The following PTPN12 variants were observed in gnomAD, a reference collection of about 807,000 sequenced individuals.
The protein encoded by PTPN12 is protein tyrosine phosphatase non-receptor type 12.
PTPN12 carries 29 observed loss-of-function variants against 97.6 expected under a neutral mutation model. The ratio of observed to expected loss-of-function variants is 0.30; its 90% CI spans 0.22 to 0.41. The LOEUF (loss-of-function observed/expected upper bound fraction) is 0.41, where lower values mean the gene tolerates loss of function less well. PTPN12 is among the 10% of genes least tolerant of loss of function. PTPN12 has a pLI of 1.00. For missense variants in PTPN12, 819 were observed against 926.0 expected, an observed-to-expected ratio of 0.88 and a Z score of 1.50; for synonymous variants, 327 against 300.4, an observed-to-expected ratio of 1.09 and a Z score of -0.91.
intron 6 of PTPN12, among the ~76,000 whole-genome samples, chr7:77,596,851 C>T (rs1037160833): frequency 6.6e-6 from 1 of 152,190 alleles, no homozygotes; most frequent in African/African-American, 2.4e-5. Flanking sequence ...CTCTTTGTTA[C>T]AATTCACAAA....
chr7:77,537,519 G>C lies in PTPN12; in HGVS notation c.-28G>C. On this transcript the variant is annotated 5_prime_UTR_variant, in exon 1 of 18. Transcript: ENST00000248594. ...GGGCGGGCGGGCGGCGGGGGGGCCA[G>C]CGACCGCAGCCGGGGGGACGCGGGA... is the stretch of plus-strand genomic sequence containing the variant. 2 of 1,567,740 alleles carry C rather than the reference G, an allele frequency of 1.3e-6. No homozygotes were observed. The highest frequency in any genetic ancestry group is 1.7e-6 in the Non-Finnish European group (2 of 1,158,910).
chr7:77,541,256 T>G (rs1259836420), intron 1 of PTPN12, among the ~76,000 whole-genome samples: 1 of 152,096 alleles, frequency 6.6e-6, no homozygotes, highest in Non-Finnish European at 1.5e-5. Flanking sequence ...CAAGCCCTGC[T>G]GATTTTTGTA....
At chr7:77,544,713 G>T (rs1383723868) in intron 1 of PTPN12, among the ~76,000 whole-genome samples, 1 of 152,196 alleles carries the variant, frequency 6.6e-6, no homozygotes, top group African/African-American at 2.4e-5. Flanking sequence ...GTCTTCCCCA[G>T]ACTGAACGCC....
chr7:77,583,893 T>TA (rs1451038978), intron 4 of PTPN12: 2 of 335,458 alleles, frequency 6.0e-6, no homozygotes, highest in East Asian at 1.3e-4. Flanking sequence ...TAAGTAATGA[T>TA]ACAGCTATCA....
rs369371516 is a variant in PTPN12 at position 77,591,396 on chromosome 7, A to G, written c.421-789A>G. Among the ~76,000 whole-genome samples, 9 of 152,338 alleles carry G rather than the reference A, an allele frequency of 5.9e-5. No individual in the cohort carries two copies. The East Asian group carries it at 1.3e-3, about 23-fold the overall frequency. On this transcript the variant is annotated intron_variant, in intron 5 of 17. Coordinates refer to ENST00000248594, the MANE Select transcript of PTPN12 (RefSeq NM_002835.4). ...ACCTGAATCATTCTATTTTCCATAA[A>G]GTTAGGCTTTTCATTCACTTAACTG...
intron 1 of PTPN12, among the ~76,000 whole-genome samples, chr7:77,544,168 G>C (rs940510213): frequency 1.3e-5 from 2 of 152,144 alleles, no homozygotes; most frequent in African/African-American, 4.8e-5. Context: ...CATCTTCACC[G>C]ATACTTGTTG....
chr7:77,619,721 A>T (rs566245852), intron 12 of PTPN12, among the ~76,000 whole-genome samples: 3 of 152,204 alleles, frequency 2.0e-5, no homozygotes, highest in Non-Finnish European at 4.4e-5. Context: ...AAAATTAGTG[A>T]TAATGTATAT....
At chr7:77,564,784 A>C in intron 1 of PTPN12, among the ~76,000 whole-genome samples, 2 of 37,084 alleles carry the variant, frequency 5.4e-5, no homozygotes, top group Non-Finnish European at 8.8e-5. Context: ...TTTGAGACGG[A>C]ATCTCGCCCT....
intron 4 of PTPN12, 60 bp from the exon 5 acceptor site, chr7:77,585,483 A>C: frequency 6.9e-7 from 1 of 1,447,618 alleles, no homozygotes; most frequent in Non-Finnish European, 9.6e-7. Flanking sequence ...ATTTTATTAA[A>C]AAGTAAAATT....
At position 77,639,435 on chromosome 7, in the gene PTPN12, T is replaced by C; in HGVS notation, c.*155T>C. Reference sequence around the variant, plus strand: ...CTGGGACCATCTACCTGCCTTATACTACACTTAGGAAAAAGTATTACATAT... The same window carrying C: ...CTGGGACCATCTACCTGCCTTATACCACACTTAGGAAAAAGTATTACATAT... On this transcript the variant is annotated 3_prime_UTR_variant, in exon 18 of 18. Coordinates refer to ENST00000248594, the MANE Select transcript of PTPN12 (RefSeq NM_002835.4). The C allele has an allele frequency of 1.8e-6, 1 of 567,926 alleles. No homozygotes were observed. The highest frequency in any genetic ancestry group is 3.1e-6 in the Non-Finnish European group (1 of 325,166). 35.2% of individuals were successfully genotyped at this position (567,926 alleles called of 1,614,324 possible).
intron 12 of PTPN12, among the ~76,000 whole-genome samples, chr7:77,625,468 G>GCGCGCTCTCTCTCT (rs1218191468): frequency 4.0e-5 from 1 of 24,752 alleles, no homozygotes; most frequent in Admixed American, 6.2e-4. Flanking sequence ...TGCCCAGGCT[G>GCGCGCTCTCTCTCT]CTCGCTCTCT....
intron 1 of PTPN12, among the ~76,000 whole-genome samples, chr7:77,539,205 A>C (rs1198000631): frequency 6.6e-6 from 1 of 152,202 alleles, no homozygotes; most frequent in East Asian, 1.9e-4. Flanking sequence ...CCTTGACCAT[A>C]CACAGTATTA....
At chr7:77,540,369 C>G (rs1288170912) in intron 1 of PTPN12, among the ~76,000 whole-genome samples, 1 of 151,812 alleles carries the variant, frequency 6.6e-6, no homozygotes, top group African/African-American at 2.4e-5. Context: ...TCCTGAGTAG[C>G]TGAGATTACA....
chr7:77,568,651 T>A (rs977544082), intron 1 of PTPN12, among the ~76,000 whole-genome samples: 2 of 152,046 alleles, frequency 1.3e-5, no homozygotes, highest in African/African-American at 4.8e-5. Context: ...TGTGAATGAG[T>A]GAATGAATGA....
At position 77,582,084 on chromosome 7, in the gene PTPN12, C is replaced by CTTTTTTTTTTTTTTTTTT. The variant is rs11341609; in HGVS notation, c.285+592_285+609dup. On this transcript the variant is annotated intron_variant, in intron 3 of 17. Transcript: ENST00000248594. ...CCCTTTGATGAAAAGCAGTCAAGTT[C>CTTTTTTTTTTTTTTTTTT]TTTTTTTTTTTTTTTTTTTTTTTTT... Among the ~76,000 whole-genome samples, 35 of 52,868 alleles carry CTTTTTTTTTTTTTTTTTT rather than the reference C, an allele frequency of 6.6e-4. 5 individuals carry two copies. The highest frequency in any genetic ancestry group is 0.016 in the Middle Eastern group (1 of 62). The allele number at this position is 52,868 out of a possible 152,430, so 34.7% of individuals were successfully genotyped here.
intron 1 of PTPN12, chr7:77,564,175 A>G (rs968318073): frequency 5.5e-6 from 1 of 180,396 alleles, no homozygotes; most frequent in African/African-American, 2.4e-5. Flanking sequence ...CACCGTGCCC[A>G]GCCCATATAC....
At chr7:77,543,012 T>G (rs1212128208) in intron 1 of PTPN12, among the ~76,000 whole-genome samples, 1 of 151,888 alleles carries the variant, frequency 6.6e-6, no homozygotes, top group Non-Finnish European at 1.5e-5. Context: ...AAGGATATAC[T>G]AGTGATTGTT....
Position 77,639,328 on chromosome 7 carries a change from C to G in PTPN12, c.*48C>G. Reference sequence around the variant, plus strand: ...TAAGTTATACTGGAAAATTCAGGTGCCACTGAAAGCCAGATTTATAGTATT... The same window carrying G: ...TAAGTTATACTGGAAAATTCAGGTGGCACTGAAAGCCAGATTTATAGTATT... On this transcript the variant is annotated 3_prime_UTR_variant, in exon 18 of 18. Transcript: ENST00000248594. 1.4e-6 allele frequency: 2 copies of G among 1,416,494 alleles called. No homozygotes were observed. Among genetic ancestry groups the G allele is most frequent in the Non-Finnish European group, 2.0e-6 (2 of 1,007,568 alleles). 87.7% of individuals were successfully genotyped at this position (1,416,494 alleles called of 1,614,324 possible). A position where few individuals can be genotyped will look rare whatever the true frequency, so the allele number is the denominator to read the frequency against.
chr7:77,583,776 T>G, intron 4 of PTPN12, 126 bp downstream of exon 4: 1 of 575,708 alleles, frequency 1.7e-6, no homozygotes, highest in Non-Finnish European at 2.8e-6. Flanking sequence ...TTGCTGATGT[T>G]TACTAAAAAG....
Sources: gnomAD v4.1 joint callset for allele counts (sites outside exome capture counted in the v4.1 genomes callset) on GRCh38, gnomAD v4.1.1 for gene constraint, MANE v1.5 for transcripts, NCBI Gene and HGNC (gene_info 2026-07-23, HGNC 2026-07-21) for gene names.